The following RAD51B variants were observed in gnomAD, a reference collection of about 807,000 sequenced individuals.
RAD51B encodes RAD51 paralog B, also known as DNA repair protein RAD51 homolog 2.
A neutral mutation model predicts 42.2 loss-of-function variants in RAD51B; 38 were observed. The observed-to-expected ratio is 0.90, with a 90% confidence interval of 0.70 to 1.18. RAD51B has a LOEUF of 1.18. RAD51B is among the 50% of genes most tolerant of loss of function. The pLI is 0.00. For missense variants in RAD51B, 373 were observed against 400.7 expected (o/e 0.93, Z 0.59); for synonymous variants, 154 against 145.2 (o/e 1.06, Z -0.43).
chr14:68,314,180 G>C (rs3784106), intron 8 of RAD51B, among the ~76,000 whole-genome samples: 1 of 152,020 alleles, frequency 6.6e-6, no homozygotes, highest in African/African-American at 2.4e-5. Flanking sequence ...TAGCAAGTTC[G>C]CTATCATCGC....
At chr14:68,157,720 C>T (rs1402887610) in intron 7 of RAD51B, among the ~76,000 whole-genome samples, 1 of 152,142 alleles carries the variant, frequency 6.6e-6, no homozygotes, top group Non-Finnish European at 1.5e-5. Flanking sequence ...ATAATAATGG[C>T]AATAACAAAC....
In RAD51B at chr14:68,361,838, G is replaced by A. The variant is rs1337927885; in HGVS notation, c.854-49586G>A. On this transcript the variant is annotated intron_variant, in intron 8 of 10. Transcript: ENST00000471583. ...TTACAGGCACCTGCCACCACATTCA[G>A]CTAATTTTTGTATTTTTAGTAGAGA... is the stretch of plus-strand genomic sequence containing the variant. 2.6e-5 allele frequency among the ~76,000 whole-genome samples: 4 copies of A among 152,066 alleles called. No homozygotes were observed. The East Asian group carries it at 7.7e-4, about 29-fold the overall frequency.
At chr14:68,600,454 G>A (rs17829341), downstream of RAD51B, among the ~76,000 whole-genome samples, 25,539 of 152,140 alleles carry the variant, frequency 0.17, 2,733 homozygotes, top group Non-Finnish European at 0.24. Flanking sequence ...TCCCACAGGA[G>A]CCAGCCCTCA....
At chr14:68,648,113 G>GTATATATACGTGTGTA (rs1892615691) in intron 10 of RAD51B, among the ~76,000 whole-genome samples, 1 of 60,106 alleles carries the variant, frequency 1.7e-5, no homozygotes, top group Admixed American at 2.0e-4. Flanking sequence ...ATACACACAC[G>GTATATATACGTGTGTA]TATATATATA....
Position 68,291,801 on chromosome 14 carries a change from T to C in RAD51B, c.757-83T>C, listed in dbSNP as rs34518413. On this transcript the variant is annotated intron_variant, in intron 7 of 10. Transcript: ENST00000471583. ...GTCTTCTCCTAAACCATAGTCTGCC[T>C]TTTGATAGCTCTAATAATTAATTTG... 7,529 of 1,097,260 alleles carry C rather than the reference T, an allele frequency of 6.9e-3. 362 individuals are homozygous for C. In the African/African-American group the frequency reaches 0.1, roughly 15 times the overall value. The allele number at this position is 1,097,260 out of a possible 1,614,324, so 68.0% of individuals were successfully genotyped here.
intron 7 of RAD51B, among the ~76,000 whole-genome samples, chr14:68,223,345 G>A (rs550321225): frequency 1.8e-4 from 27 of 152,318 alleles, no homozygotes; most frequent in Admixed American, 3.9e-4. Flanking sequence ...TAATGAATGG[G>A]AATTTTTTGT....
At chr14:68,512,281 G>A (rs1885785599) in intron 10 of RAD51B, among the ~76,000 whole-genome samples, 1 of 152,220 alleles carries the variant, frequency 6.6e-6, no homozygotes, top group African/African-American at 2.4e-5. Context: ...TTTGAGTGAG[G>A]GCTGGCGGGA....
intron 8 of RAD51B, among the ~76,000 whole-genome samples, chr14:68,314,465 T>G (rs1235356761): frequency 6.6e-6 from 1 of 152,224 alleles, no homozygotes; most frequent in Non-Finnish European, 1.5e-5. Flanking sequence ...CTTGCCTCTT[T>G]TCAGCGAATC....
At chr14:67,878,621 G>GA (rs1317312323) in intron 5 of RAD51B, among the ~76,000 whole-genome samples, 1 of 151,914 alleles carries the variant, frequency 6.6e-6, no homozygotes, top group Non-Finnish European at 1.5e-5. Flanking sequence ...ATCATATTAG[G>GA]AATTTAAACT....
intron 7 of RAD51B, among the ~76,000 whole-genome samples, chr14:67,968,924 A>G (rs1595181944): frequency 6.6e-6 from 1 of 152,282 alleles, no homozygotes; most frequent in East Asian, 1.9e-4. Context: ...TGGGAAGAAA[A>G]AGAGGTTTAA....
intron 7 of RAD51B, among the ~76,000 whole-genome samples, chr14:68,083,241 T>C (rs1396300303): frequency 1.3e-5 from 2 of 152,200 alleles, no homozygotes; most frequent in Admixed American, 1.3e-4. Flanking sequence ...CTTTTTGATT[T>C]TAGGGTCTTT....
intron 9 of RAD51B, among the ~76,000 whole-genome samples, chr14:68,456,923 C>CTTTTTTTTTTTTTTTTTTTTTTT (rs1176116647): frequency 3.5e-4 from 21 of 60,594 alleles, no homozygotes; most frequent in Non-Finnish European, 4.5e-4. Context: ...TTTTTTTTTG[C>CTTTTTTTTTTTTTTTTTTTTTTT]TTTTTTTGAG....
At chr14:68,480,691 T>C (rs1230681693), downstream of RAD51B, among the ~76,000 whole-genome samples, 1 of 152,172 alleles carries the variant, frequency 6.6e-6, no homozygotes, top group East Asian at 1.9e-4. Flanking sequence ...ATATTGTGAC[T>C]CTCTGACTAA....
rs921573210 is a variant in RAD51B at position 68,490,873 on chromosome 14, G to A, written c.1036+22623G>A. On this transcript the variant is annotated intron_variant, in intron 10 of 10. Transcript: ENST00000487270. The stretch of plus-strand genomic sequence containing the variant: ...ACCTTGGAGAGGCCAAGGGGAGAGC[G>A]GGGAGTTAGAAAAAGGCTGAGATAA... 4.6e-5 allele frequency among the ~76,000 whole-genome samples: 7 copies of A among 152,100 alleles called. No individual in the cohort carries two copies. In the East Asian group the frequency reaches 9.6e-4, roughly 21 times the overall value.
intron 1 of RAD51B, 112 bp from the exon 2 acceptor site, chr14:67,823,430 A>G (rs1443009772): frequency 2.8e-6 from 2 of 725,756 alleles, no homozygotes; most frequent in South Asian, 2.0e-5. Flanking sequence ...CATTTTGCAT[A>G]TGGAGAAACT....
At chr14:68,637,756 G>A (rs148830408) in intron 10 of RAD51B, among the ~76,000 whole-genome samples, 8 of 152,294 alleles carry the variant, frequency 5.3e-5, no homozygotes, top group East Asian at 1.9e-4. Flanking sequence ...TGTGGCGGCC[G>A]AGTTCAGGAG....
chr14:67,971,808 C>T (rs2074904003), intron 7 of RAD51B, among the ~76,000 whole-genome samples: 2 of 151,912 alleles, frequency 1.3e-5, no homozygotes, highest in South Asian at 2.1e-4. Context: ...GGATGAGTCA[C>T]ATCACTCTGC....
In RAD51B at chr14:67,835,517, A is replaced by T. The variant is rs142789466; in HGVS notation, c.315+321A>T. ...GCATACATATATGTTATATATACATACATGCATACATACATTTATATGTAC... is the reference window on the plus strand; with the variant it reads ...GCATACATATATGTTATATATACATTCATGCATACATACATTTATATGTAC... On this transcript the variant is annotated intron_variant, in intron 4 of 10. Coordinates refer to ENST00000471583, the MANE Select transcript of RAD51B (RefSeq NM_133510.4). Among the ~76,000 whole-genome samples the T allele has an allele frequency of 3.9e-3, 594 of 151,696 alleles. 2 individuals are homozygous for T. The highest frequency in any genetic ancestry group is 0.017 in the Middle Eastern group (5 of 290).
chr14:68,651,138 T>G (rs1455135064), intron 11 of RAD51B, among the ~76,000 whole-genome samples: 1 of 152,186 alleles, frequency 6.6e-6, no homozygotes, highest in East Asian at 1.9e-4. Flanking sequence ...AAGAAAAACT[T>G]CCATCCAAAA....
Sources: gnomAD v4.1 joint callset for allele counts (sites outside exome capture counted in the v4.1 genomes callset) on GRCh38, gnomAD v4.1.1 for gene constraint, MANE v1.5 for transcripts, NCBI Gene and HGNC (gene_info 2026-07-23, HGNC 2026-07-21) for gene names.